SNX3: variants seen among roughly 807,000 people sequenced by gnomAD.
SNX3 encodes sorting nexin-3.
A neutral mutation model predicts 17.7 loss-of-function variants in SNX3; 5 were observed. The ratio of observed to expected loss-of-function variants is 0.28; its 90% confidence interval spans 0.15 to 0.59. The LOEUF is 0.59. Ranked by LOEUF, SNX3 falls within the 20% of genes least tolerant of loss-of-function variation. The probability of loss-of-function intolerance (pLI) is 0.88; values close to 1 mark genes in which losing one functional copy is unlikely to be tolerated. For missense variants in SNX3, 132 were observed against 206.8 expected, an observed-to-expected ratio of 0.64 and a Z score of 2.22; for synonymous variants, 91 against 76.5, an observed-to-expected ratio of 1.19 and a Z score of -0.99.
At chr6:108,247,251 C>T (rs1213006974) in intron 1 of SNX3, among the ~76,000 whole-genome samples, 2 of 152,096 alleles carry the variant, frequency 1.3e-5, no homozygotes, top group Non-Finnish European at 2.9e-5. Context: ...AAACTTCTTT[C>T]CTTTACAAAT....
chr6:108,255,698 A>G (rs1234198764), intron 1 of SNX3, among the ~76,000 whole-genome samples: 1 of 152,154 alleles, frequency 6.6e-6, no homozygotes, highest in East Asian at 1.9e-4. Flanking sequence ...TCAATAATAC[A>G]TGTTTATAAT....
intron 1 of SNX3, among the ~76,000 whole-genome samples, chr6:108,233,962 T>A (rs1296746634): frequency 6.6e-6 from 1 of 152,122 alleles, no homozygotes; most frequent in Non-Finnish European, 1.5e-5. Context: ...GTTAAGAAGC[T>A]CTATTCAGTA....
At chr6:108,232,663 T>C (rs756620300) in intron 1 of SNX3, among the ~76,000 whole-genome samples, 58 of 152,296 alleles carry the variant, frequency 3.8e-4, no homozygotes, top group Middle Eastern at 3.4e-3. Context: ...GGCAACAACA[T>C]CAAAAGTATA....
chr6:108,251,732 T>C (rs967821802), intron 1 of SNX3, among the ~76,000 whole-genome samples: 1 of 152,236 alleles, frequency 6.6e-6, no homozygotes, highest in Non-Finnish European at 1.5e-5. Flanking sequence ...CGTCACATTT[T>C]ACTAACACAT....
At chr6:108,218,614 A>G (rs548776924) in intron 2 of SNX3, among the ~76,000 whole-genome samples, 13 of 152,376 alleles carry the variant, frequency 8.5e-5, no homozygotes, top group East Asian at 3.9e-4. Flanking sequence ...GTAGAACAAA[A>G]TGTCCACCAA....
intron 1 of SNX3, among the ~76,000 whole-genome samples, chr6:108,254,145 C>A (rs1315638865): frequency 6.7e-6 from 1 of 149,158 alleles, no homozygotes; most frequent in African/African-American, 2.5e-5. Context: ...AAAAAAAAAC[C>A]GCCACTGCCC....
rs761961625 is a variant in SNX3, at chr6:108,240,214, G to GTTTGTT, written c.163-17175_163-17170dup. ...ATGAAGAGCAGAAGTCTGTGTGTGG[G>GTTTGTT]TTTGTTTTTGTTTTTGTTTTTGAGA... On this transcript the variant is annotated intron_variant, in intron 1 of 3. Transcript: ENST00000230085. Among the ~76,000 whole-genome samples, 42 of 152,006 alleles carry GTTTGTT rather than the reference G, an allele frequency of 2.8e-4. No individual in the cohort carries two copies. The South Asian group carries it at 8.1e-3, about 29-fold the overall frequency.
intron 1 of SNX3, among the ~76,000 whole-genome samples, chr6:108,253,861 C>G (rs1775945962): frequency 6.6e-6 from 1 of 152,094 alleles, no homozygotes; most frequent in Non-Finnish European, 1.5e-5. Flanking sequence ...CTTGGTGGCT[C>G]ACGCCTGTAA....
intron 1 of SNX3, among the ~76,000 whole-genome samples, chr6:108,240,485 T>C (rs564156370): frequency 3.9e-5 from 6 of 152,108 alleles, no homozygotes; most frequent in Non-Finnish European, 7.4e-5. Context: ...TCCCAAAGTG[T>C]TGGGATTACA....
intron 1 of SNX3, among the ~76,000 whole-genome samples, chr6:108,227,624 T>C (rs969064533): frequency 2.0e-5 from 3 of 152,120 alleles, no homozygotes; most frequent in African/African-American, 7.3e-5. Flanking sequence ...TTCCTTTAGT[T>C]TTCTTAACTG....
chr6:108,242,841 C>G (rs1775561310), intron 1 of SNX3, among the ~76,000 whole-genome samples: 2 of 152,176 alleles, frequency 1.3e-5, no homozygotes, highest in Non-Finnish European at 2.9e-5. Context: ...TTCCACTGGC[C>G]TTTAAGAGGA....
intron 1 of SNX3, among the ~76,000 whole-genome samples, chr6:108,228,380 C>T (rs967937393): frequency 7.9e-5 from 12 of 152,060 alleles, no homozygotes; most frequent in African/African-American, 2.7e-4. Flanking sequence ...GAAACCCTGT[C>T]TCTACTAAAA....
chr6:108,251,151 T>C (rs143621622), intron 1 of SNX3, among the ~76,000 whole-genome samples: 26 of 152,280 alleles, frequency 1.7e-4, no homozygotes, highest in African/African-American at 5.3e-4. Flanking sequence ...ATATGCCATG[T>C]CTTCATGCTT....
intron 1 of SNX3, among the ~76,000 whole-genome samples, chr6:108,256,010 A>T (rs987976332): frequency 1.3e-5 from 2 of 152,146 alleles, no homozygotes; most frequent in African/African-American, 4.8e-5. Context: ...TGGGAGTATC[A>T]CTTGAGCCCA....
intron 2 of SNX3, among the ~76,000 whole-genome samples, chr6:108,215,366 AG>A (rs1317412711): frequency 1.3e-5 from 2 of 151,698 alleles, no homozygotes; most frequent in Non-Finnish European, 2.9e-5. Context: ...AAAAAAAAAA[AG>A]ATTTCTGGTT....
Position 108,223,119 on chromosome 6 carries a change from C to T in SNX3, c.163-74G>A. The stretch of plus-strand genomic sequence containing the variant: ...CAAAAAAATGGGGGGACGGGTATGG[C>T]AAAACAAAAGAAATCATGACTTTCT... On this transcript the variant is annotated intron_variant, in intron 1 of 3. Transcript: ENST00000230085. The T allele has an allele frequency of 1.4e-5, 10 of 729,550 alleles. No individual in the cohort carries two copies. In the South Asian group the frequency reaches 1.5e-4, roughly 11 times the overall value. 45.2% of individuals were successfully genotyped at this position (729,550 alleles called of 1,614,324 possible).
chr6:108,228,735 T>C (rs1217155846), intron 1 of SNX3, among the ~76,000 whole-genome samples: 1 of 151,980 alleles, frequency 6.6e-6, no homozygotes, highest in African/African-American at 2.4e-5. Context: ...ACATTATCCA[T>C]TACTCTATTA....
At chr6:108,249,769 T>G (rs552665434) in intron 1 of SNX3, among the ~76,000 whole-genome samples, 1 of 152,202 alleles carries the variant, frequency 6.6e-6, no homozygotes, top group East Asian at 1.9e-4. Context: ...AAGAATGGTA[T>G]CTAATATTTC....
chr6:108,255,417 G>A (rs1022276597), intron 1 of SNX3, among the ~76,000 whole-genome samples: 5 of 151,934 alleles, frequency 3.3e-5, no homozygotes, highest in African/African-American at 1.2e-4. Context: ...TGGTATGATC[G>A]TGGCTCACTG....
Sources: gnomAD v4.1 joint callset for allele counts (sites outside exome capture counted in the v4.1 genomes callset) on GRCh38, gnomAD v4.1.1 for gene constraint, MANE v1.5 for transcripts, NCBI Gene and HGNC (gene_info 2026-07-23, HGNC 2026-07-21) for gene names.